Variants in LRRFIP1 observed in about 807,000 individuals in gnomAD.
LRRFIP1 encodes the protein leucine-rich repeat flightless-interacting protein 1.
In LRRFIP1, 62 loss-of-function variants were observed where a neutral mutation model predicts 104.4. That is an observed-to-expected ratio of 0.59 (90% confidence interval 0.48 to 0.73). The LOEUF (loss-of-function observed/expected upper bound fraction) is 0.73, where lower values mean the gene tolerates loss of function less well. Ranked by LOEUF, LRRFIP1 falls within the 30% of genes least tolerant of loss-of-function variation. The probability of loss-of-function intolerance (pLI) is 0.00; values close to 1 mark genes in which losing one functional copy is unlikely to be tolerated. For missense variants in LRRFIP1, 796 were observed against 824.5 expected (o/e 0.97, Z 0.42); for synonymous variants, 300 against 299.0 (o/e 1.00, Z -0.03).
chr2:237,765,397 T>A (rs1339171222), intron 19 of LRRFIP1: 2 of 772,938 alleles, frequency 2.6e-6, no homozygotes, highest in Non-Finnish European at 1.6e-6. Context: ...GATTGCACAC[T>A]GTACTCTAGC....
At chr2:237,753,875 A>T (rs981876045) in intron 15 of LRRFIP1, among the ~76,000 whole-genome samples, 2 of 149,844 alleles carry the variant, frequency 1.3e-5, no homozygotes, top group African/African-American at 4.9e-5. Context: ...TATCGTGTGT[A>T]TGTATGTATA....
chr2:237,651,557 C>T (rs1200224413), intron 1 of LRRFIP1, among the ~76,000 whole-genome samples: 1 of 152,192 alleles, frequency 6.6e-6, no homozygotes, highest in East Asian at 1.9e-4. Flanking sequence ...GAAACCAAGG[C>T]ACTGGATCAG....
chr2:237,772,408 A>T (rs896341821), intron 21 of LRRFIP1: 1 of 515,652 alleles, frequency 1.9e-6, no homozygotes. Context: ...GTACCCAAAA[A>T]CGTGCACCAA....
intron 3 of LRRFIP1, among the ~76,000 whole-genome samples, chr2:237,714,694 A>T (rs1003472672): frequency 3.3e-5 from 5 of 152,242 alleles, no homozygotes; most frequent in Non-Finnish European, 5.9e-5. Flanking sequence ...ATATTGAGTT[A>T]AAAATCTGAG....
At chr2:237,727,962 A>G (rs965082795) in intron 8 of LRRFIP1, 27 bp downstream of exon 8, 4 of 1,543,238 alleles carry the variant, frequency 2.6e-6, no homozygotes, top group African/African-American at 1.4e-5. Context: ...TGCATGGCTC[A>G]AAATTCAAAT....
At chr2:237,705,144 G>A (rs1424161882) in intron 1 of LRRFIP1, among the ~76,000 whole-genome samples, 1 of 152,128 alleles carries the variant, frequency 6.6e-6, no homozygotes, top group Non-Finnish European at 1.5e-5. Flanking sequence ...CCCGAGCAGA[G>A]CTAAGCTGGA....
chr2:237,671,553 G>A (rs74001245), intron 1 of LRRFIP1, among the ~76,000 whole-genome samples: 2,319 of 152,276 alleles, frequency 0.015, 56 homozygotes, highest in African/African-American at 0.048. Flanking sequence ...AACTGTGGTA[G>A]GATGAGCTGG....
At chr2:237,677,820 C>T (rs186161103) in intron 1 of LRRFIP1, among the ~76,000 whole-genome samples, 17 of 152,272 alleles carry the variant, frequency 1.1e-4, no homozygotes, top group Admixed American at 7.2e-4. Flanking sequence ...TTCCTCACTG[C>T]CTGGGTCCCT....
chr2:237,697,176 C>T (rs2093245224), intron 1 of LRRFIP1, among the ~76,000 whole-genome samples: 1 of 152,142 alleles, frequency 6.6e-6, no homozygotes, highest in South Asian at 2.1e-4. Context: ...GTGCCTGCCA[C>T]CTCACCCGGC....
Position 237,719,558 on chromosome 2 carries a change from A to G in LRRFIP1, c.285A>G (p.Arg95=), listed in dbSNP as rs747953205. The change falls in exon 5 of 24, where the codon AGA becomes AGG. Residue 95 remains arginine, a synonymous_variant. Transcript: ENST00000308482. The stretch of plus-strand genomic sequence containing the variant: ...AGCGCTACTCTCGTAGATCCAGAAG[A>G]AACACATCGGTTAGTACCGTGTTCA... ...DSERYSRRSR[R]NTSASDEDER... 27 of 1,613,346 alleles carry G rather than the reference A, an allele frequency of 1.7e-5. No individual in the cohort carries two copies. In the Admixed American group the frequency reaches 4.5e-4, roughly 27 times the overall value.
intron 1 of LRRFIP1, among the ~76,000 whole-genome samples, chr2:237,631,481 G>A (rs1000364105): frequency 3.9e-5 from 6 of 152,230 alleles, no homozygotes; most frequent in Admixed American, 2.0e-4. Flanking sequence ...ATTATCGCAA[G>A]TCAATTATTT....
chr2:237,673,780 A>T (rs1489115217), intron 1 of LRRFIP1, among the ~76,000 whole-genome samples: 2 of 152,150 alleles, frequency 1.3e-5, no homozygotes, highest in Non-Finnish European at 2.9e-5. Flanking sequence ...CTAAGACAGC[A>T]GCTGTGGGAG....
intron 1 of LRRFIP1, among the ~76,000 whole-genome samples, chr2:237,698,078 C>T (rs1214695434): frequency 6.6e-6 from 1 of 152,194 alleles, no homozygotes; most frequent in African/African-American, 2.4e-5. Context: ...AATAAAGTAA[C>T]ATCAATCATT....
In LRRFIP1 at chr2:237,652,211, C is replaced by G. The variant is rs113436300; in HGVS notation, c.96+24471C>G. 2.3e-3 allele frequency among the ~76,000 whole-genome samples: 352 copies of G among 152,336 alleles called. 2 individuals are homozygous for G. Among genetic ancestry groups the G allele is most frequent in the African/African-American group, 8.2e-3 (342 of 41,576 alleles). On this transcript the variant is annotated intron_variant, in intron 1 of 23. Coordinates refer to ENST00000308482, the MANE Select transcript of LRRFIP1 (RefSeq NM_001137550.2). Reference sequence around the variant, plus strand: ...CAACTTGCACCTTACCTTTCAAGTTCCTATTTGACATCCACAGGGAAAAAT... The same window carrying G: ...CAACTTGCACCTTACCTTTCAAGTTGCTATTTGACATCCACAGGGAAAAAT...
chr2:237,682,554 G>A (rs75342419), intron 1 of LRRFIP1, among the ~76,000 whole-genome samples: 1,576 of 152,268 alleles, frequency 0.01, 16 homozygotes, highest in African/African-American at 0.035. Flanking sequence ...CTTGGATTGG[G>A]CCTTCCCAGA....
intron 1 of LRRFIP1, among the ~76,000 whole-genome samples, chr2:237,687,966 T>G (rs1487055460): frequency 6.6e-6 from 1 of 152,226 alleles, no homozygotes; most frequent in Admixed American, 6.5e-5. Context: ...TGGCCCCAAA[T>G]TGGCTAACTG....
chr2:237,690,186 G>A (rs574785522), intron 1 of LRRFIP1, among the ~76,000 whole-genome samples: 2 of 152,286 alleles, frequency 1.3e-5, no homozygotes, highest in East Asian at 3.9e-4. Flanking sequence ...CATGCCAAGG[G>A]AACGGAAACC....
intron 1 of LRRFIP1, among the ~76,000 whole-genome samples, chr2:237,666,161 G>A (rs1166705929): frequency 6.6e-5 from 10 of 152,192 alleles, no homozygotes; most frequent in Non-Finnish European, 2.9e-5. Context: ...ATTAATAAGA[G>A]AACTGGCACA....
At position 237,704,587 on chromosome 2, in the gene LRRFIP1, G is replaced by T. The variant is rs117837752; in HGVS notation, c.97-3957G>T. Reference sequence around the variant, plus strand: ...AGTTTAAATGCTGGCTCATATATTTGTTGGTGTTGAGTTAGGCAGATTCCA... The same window carrying T: ...AGTTTAAATGCTGGCTCATATATTTTTTGGTGTTGAGTTAGGCAGATTCCA... On this transcript the variant is annotated intron_variant, in intron 1 of 23. Coordinates refer to ENST00000308482, the MANE Select transcript of LRRFIP1 (RefSeq NM_001137550.2). Among the ~76,000 whole-genome samples the T allele has an allele frequency of 2.3e-3, 344 of 152,294 alleles. 9 individuals carry two copies. The East Asian group carries it at 0.046, about 20-fold the overall frequency.
Sources: gnomAD v4.1 joint callset for allele counts (sites outside exome capture counted in the v4.1 genomes callset) on GRCh38, gnomAD v4.1.1 for gene constraint, MANE v1.5 for transcripts, NCBI Gene and HGNC (gene_info 2026-07-23, HGNC 2026-07-21) for gene names.